ARHGEF2: variants seen among roughly 807,000 people sequenced by gnomAD.
The protein encoded by ARHGEF2 is rho guanine nucleotide exchange factor 2.
ARHGEF2 carries 22 observed loss-of-function variants against 121.0 expected under a neutral mutation model. The ratio of observed to expected loss-of-function variants is 0.18; its 90% CI spans 0.13 to 0.26. ARHGEF2 has a LOEUF of 0.26. Among genes scored for constraint, ARHGEF2 ranks in the 10% least tolerant of loss-of-function variants. The pLI is 1.00. For synonymous variants in ARHGEF2, 487 were observed against 530.0 expected (o/e 0.92, Z 1.11); for missense variants, 907 against 1,336.0 (o/e 0.68, Z 5.01).
At chr1:155,969,823 C>T in intron 1 of ARHGEF2, 1 of 986,680 alleles carries the variant, frequency 1.0e-6, no homozygotes, top group Non-Finnish European at 1.2e-6. Flanking sequence ...GCAGGAGATC[C>T]CCTTATTAGA....
chr1:155,961,996 G>T lies in ARHGEF2; in HGVS notation c.1220-87C>A. On this transcript the variant is annotated intron_variant, in intron 10 of 21. Coordinates refer to ENST00000361247, the MANE Select transcript of ARHGEF2 (RefSeq NM_001162383.2). The surrounding 1 kb of genome is among the most constrained non-coding windows in gnomAD (Gnocchi z 4.7). ...TCGTGTCTTGATTCCACCTTTAGAG[G>T]CTGCCCAGGGTTTCACACCCGACCC... The T allele has an allele frequency of 6.2e-7, 1 of 1,601,862 alleles. No individual in the cohort carries two copies. The highest frequency in any genetic ancestry group is 8.5e-7 in the Non-Finnish European group (1 of 1,171,852).
Position 155,951,737 on chromosome 1 carries a change from T to C in ARHGEF2, c.2208+4A>G. ...GTCTCCTATACCATCAATTCCCATC[T>C]CACCTCTTGCGGTGATCTCAGCTGA... On this transcript the variant is annotated splice_donor_region_variant and intron_variant, in intron 18 of 21. Transcript: ENST00000361247. This position sits in a 1 kb window ranked among gnomAD's most constrained non-coding sequence, Gnocchi z 5.1. 6.2e-7 allele frequency: 1 copy of C among 1,614,082 alleles called. No individual in the cohort carries two copies. Among genetic ancestry groups the C allele is most frequent in the Non-Finnish European group, 8.5e-7 (1 of 1,180,006 alleles).
chr1:155,950,212 A>T lies in ARHGEF2; in HGVS notation c.2887+87T>A. On this transcript the variant is annotated intron_variant, in intron 21 of 21. Transcript: ENST00000361247. The surrounding 1 kb of genome is among the most constrained non-coding windows in gnomAD (Gnocchi z 5.2). ...AGAGTTACTACAAGCCTCACAGGTC[A>T]GTTAGGGCCCATTTGGAAGCCACAG... 6.7e-7 allele frequency: 1 copy of T among 1,489,908 alleles called. No homozygotes were observed. Among genetic ancestry groups the T allele is most frequent in the East Asian group, 2.3e-5 (1 of 43,956 alleles). The allele number at this position is 1,489,908 out of a possible 1,614,324, so 92.3% of individuals were successfully genotyped here.
intron 21 of ARHGEF2, among the ~76,000 whole-genome samples, chr1:155,949,962 A>C (rs1028162303): frequency 1.3e-5 from 2 of 152,110 alleles, no homozygotes; most frequent in Non-Finnish European, 2.9e-5. Flanking sequence ...GGGTCTCACT[A>C]TGTTGCCCAG....
chr1:155,957,633 C>T (rs1394973722), intron 13 of ARHGEF2, 80 bp downstream of exon 13: 5 of 1,468,538 alleles, frequency 3.4e-6, no homozygotes, highest in African/African-American at 1.4e-5. Context: ...ATTCTGTTCC[C>T]AGGGAGTTCT....
At chr1:155,952,320 G>A in intron 15 of ARHGEF2, 85 bp from the exon 16 acceptor site, 2 of 1,561,366 alleles carry the variant, frequency 1.3e-6, no homozygotes, top group Non-Finnish European at 1.7e-6. Flanking sequence ...TGGGACACTT[G>A]GGCATCTGGG....
At position 155,947,195 on chromosome 1, in the gene ARHGEF2, A is replaced by C; in HGVS notation, c.*747T>G. On this transcript the variant is annotated 3_prime_UTR_variant, in exon 22 of 22. Transcript: ENST00000361247. ...TGGAGATAGGAGGCTTCGATCTCTA[A>C]TTGCCTACGATCTCTTAAAAATATA... The C allele has an allele frequency of 2.7e-6, 1 of 365,984 alleles. No homozygotes were observed. The highest frequency in any genetic ancestry group is 5.4e-6 in the Non-Finnish European group (1 of 184,576). 22.7% of individuals were successfully genotyped at this position (365,984 alleles called of 1,614,324 possible).
Position 155,978,242 on chromosome 1 carries a change from C to T in ARHGEF2, c.63+123G>A, listed in dbSNP as rs931804345. 8.6e-7 allele frequency: 1 copy of T among 1,159,228 alleles called. No homozygotes were observed. The allele number at this position is 1,159,228 out of a possible 1,614,324, so 71.8% of individuals were successfully genotyped here. A position where few individuals can be genotyped will look rare whatever the true frequency, so the allele number is the denominator to read the frequency against. ...CCACCCCGTCCCGCCGCTCGCCGATCCACCGCTCCGCCCGATTTTGGCGCC... is the reference window on the plus strand; with the variant it reads ...CCACCCCGTCCCGCCGCTCGCCGATTCACCGCTCCGCCCGATTTTGGCGCC... On this transcript the variant is annotated intron_variant, in intron 1 of 21. Coordinates refer to ENST00000361247, the MANE Select transcript of ARHGEF2 (RefSeq NM_001162383.2). The surrounding 1 kb of genome is among the most constrained non-coding windows in gnomAD (Gnocchi z 4.1).
At position 155,961,945 on chromosome 1, in the gene ARHGEF2, C is replaced by T; in HGVS notation, c.1220-36G>A. The T allele has an allele frequency of 1.2e-6, 2 of 1,611,804 alleles. No individual in the cohort carries two copies. The highest frequency in any genetic ancestry group is 1.7e-6 in the Non-Finnish European group (2 of 1,178,454). Reference sequence around the variant, plus strand: ...GGGTTGGCATGGGGAACGGCTCAACCAGTTTCACTCACACCCCAGTTCCCA... The same window carrying T: ...GGGTTGGCATGGGGAACGGCTCAACTAGTTTCACTCACACCCCAGTTCCCA... On this transcript the variant is annotated intron_variant, in intron 10 of 21. Coordinates refer to ENST00000361247, the MANE Select transcript of ARHGEF2 (RefSeq NM_001162383.2). This position sits in a 1 kb window ranked among gnomAD's most constrained non-coding sequence, Gnocchi z 4.7.
chr1:155,970,334 C>T (rs1027368897), intron 1 of ARHGEF2: 7 of 985,506 alleles, frequency 7.1e-6, no homozygotes, highest in Admixed American at 6.1e-5. Flanking sequence ...CCCTGACCTC[C>T]AATCTGTCCC....
chr1:155,958,963 A>T (rs1022780159), intron 11 of ARHGEF2, among the ~76,000 whole-genome samples: 1 of 151,830 alleles, frequency 6.6e-6, no homozygotes, highest in Non-Finnish European at 1.5e-5. Context: ...ATCAGACAAA[A>T]CAGCGTTGTG....
chr1:155,962,067 CG>C lies in ARHGEF2; in HGVS notation c.1219+37del. 6.2e-7 allele frequency: 1 copy of C among 1,611,288 alleles called. No individual in the cohort carries two copies. The highest frequency in any genetic ancestry group is 8.5e-7 in the Non-Finnish European group (1 of 1,177,768). On this transcript the variant is annotated intron_variant, in intron 10 of 21. Coordinates refer to ENST00000361247, the MANE Select transcript of ARHGEF2 (RefSeq NM_001162383.2). The surrounding 1 kb of genome is among the most constrained non-coding windows in gnomAD (Gnocchi z 5.8). ...CGAGCCTTTCCTCACCCCAGGTGGC[CG>C]TCTCCCAGTGGCCCTCTCCTGGGCC...
At position 155,966,312 on chromosome 1, in the gene ARHGEF2, G is replaced by T. The variant is rs1392409070; in HGVS notation, c.340+104C>A. ...ATCTGCTTCCAATCAAGAAGAGGAA[G>T]GTGCTATGCCTGGGAACAACCTTAG... On this transcript the variant is annotated intron_variant, in intron 4 of 21. Transcript: ENST00000361247. 4.5e-6 allele frequency: 5 copies of T among 1,110,186 alleles called. No individual in the cohort carries two copies. The African/African-American group carries it at 6.2e-5, about 14-fold the overall frequency. 68.8% of individuals were successfully genotyped at this position (1,110,186 alleles called of 1,614,324 possible).
chr1:155,979,477 A>G (rs1335101731), upstream of ARHGEF2, among the ~76,000 whole-genome samples: 3 of 152,218 alleles, frequency 2.0e-5, no homozygotes, highest in Non-Finnish European at 2.9e-5. Context: ...GCTATTGGGA[A>G]AATTCCTCCT....
At position 155,950,644 on chromosome 1, in the gene ARHGEF2, A is replaced by G. The variant is rs1377624600; in HGVS notation, c.2704-162T>C. 6.6e-6 allele frequency among the ~76,000 whole-genome samples: 1 copy of G among 152,114 alleles called. No homozygotes were observed. Among genetic ancestry groups the G allele is most frequent in the African/African-American group, 2.4e-5 (1 of 41,428 alleles). ...TGGCCTCTTTCAGCACCACGACCCGAGTTAATTTCCTCCACCCCTGCACCC... is the reference window on the plus strand; with the variant it reads ...TGGCCTCTTTCAGCACCACGACCCGGGTTAATTTCCTCCACCCCTGCACCC... On this transcript the variant is annotated intron_variant, in intron 20 of 21. Transcript: ENST00000361247. The surrounding 1 kb of genome is among the most constrained non-coding windows in gnomAD (Gnocchi z 5.2).
upstream of ARHGEF2, among the ~76,000 whole-genome samples, chr1:155,979,602 G>A (rs149047139): frequency 3.9e-3 from 592 of 152,310 alleles, 7 homozygotes; most frequent in African/African-American, 0.014. Context: ...CGGTTAGCAG[G>A]GTCCTGCCTG....
At position 155,952,738 on chromosome 1, in the gene ARHGEF2, T is replaced by A; in HGVS notation, c.1874A>T (p.Glu625Val). 6.2e-7 allele frequency: 1 copy of A among 1,614,180 alleles called. No individual in the cohort carries two copies. The highest frequency in any genetic ancestry group is 1.7e-5 in the Admixed American group (1 of 60,024). The change falls in exon 15 of 22, where the codon GAG (glutamate) becomes GTG (valine). Residue 625 changes from glutamate (E) to valine (V), a missense_variant. Glu to Val is a moderately radical substitution (Grantham distance 121, BLOSUM62 -2). Coordinates refer to ENST00000361247, the MANE Select transcript of ARHGEF2 (RefSeq NM_001162383.2). ...CAGGGCCATCCCACTGCCACCATCC[T>A]CTTCGGCCTGGAAATGGGTCATCTC... ...FAEMTHFQAE[E>V]DGGSGMALPT...
upstream of ARHGEF2, chr1:155,978,549 C>A: frequency 7.9e-7 from 1 of 1,269,302 alleles, no homozygotes; most frequent in Non-Finnish European, 1.0e-6. The surrounding 1 kb of genome is among the most constrained non-coding windows in gnomAD (Gnocchi z 4.1). Flanking sequence ...GTCTGACTCC[C>A]CTCGCCCGGC....
chr1:155,971,979 G>C (rs1006289475), intron 1 of ARHGEF2, among the ~76,000 whole-genome samples: 1 of 151,794 alleles, frequency 6.6e-6, no homozygotes, highest in African/African-American at 2.4e-5. Context: ...GCTGGACCAG[G>C]GTCACTCCAG....
Sources: gnomAD v4.1 joint callset for allele counts (sites outside exome capture counted in the v4.1 genomes callset) on GRCh38, gnomAD v4.1.1 for gene constraint, Gnocchi (gnomAD v3.1) non-coding constraint, MANE v1.5 for transcripts, NCBI Gene and HGNC (gene_info 2026-07-23, HGNC 2026-07-21) for gene names.